The following CNOT1 variants were observed in gnomAD, a reference collection of about 807,000 sequenced individuals.
CNOT1 encodes the protein CCR4-associated factor 1.
CNOT1 carries 15 observed loss-of-function variants against 273.8 expected under a neutral mutation model. That is an observed-to-expected ratio of 0.05 (90% CI 0.04 to 0.08). CNOT1 has a LOEUF of 0.08. Among genes scored for constraint, CNOT1 ranks in the 10% least tolerant of loss-of-function variants. The pLI is 1.00. For missense variants in CNOT1, 1,644 were observed against 2,912.2 expected (o/e 0.56, Z 10.02); for synonymous variants, 1,022 against 1,005.5 (o/e 1.02, Z -0.31).
At chr16:58,609,129 T>A (rs919812628) in intron 1 of CNOT1, among the ~76,000 whole-genome samples, 2 of 152,164 alleles carry the variant, frequency 1.3e-5, no homozygotes, top group Admixed American at 6.6e-5. Flanking sequence ...ATCCCAGCAC[T>A]TGGGGAGGCC....
intron 22 of CNOT1, among the ~76,000 whole-genome samples, chr16:58,552,127 G>C (rs1340033807): frequency 1.3e-5 from 2 of 151,858 alleles, no homozygotes; most frequent in Non-Finnish European, 2.9e-5. Context: ...AATTCATACA[G>C]GAAACTCATC....
chr16:58,576,102 C>CT (rs951013061), intron 14 of CNOT1, among the ~76,000 whole-genome samples: 1 of 151,686 alleles, frequency 6.6e-6, no homozygotes, highest in African/African-American at 2.4e-5. Context: ...TAAGCATTTA[C>CT]TTTTTTTCCT....
At chr16:58,581,563 T>C (rs1168255741) in intron 10 of CNOT1, 48 bp from the exon 11 acceptor site, 3 of 1,497,164 alleles carry the variant, frequency 2.0e-6, no homozygotes, top group African/African-American at 1.4e-5. Context: ...TGTGTATATT[T>C]TGATACATTA....
intron 48 of CNOT1, 53 bp downstream of exon 48, chr16:58,521,130 G>A: frequency 1.2e-6 from 2 of 1,612,602 alleles, no homozygotes; most frequent in Non-Finnish European, 1.7e-6. Context: ...GAGACAGATG[G>A]TTTTCAGTCT....
At chr16:58,599,073 T>G in intron 2 of CNOT1, 163 bp downstream of exon 2, 3 of 574,626 alleles carry the variant, frequency 5.2e-6, no homozygotes, top group Non-Finnish European at 2.8e-6. Context: ...AAAAAAAAGA[T>G]TGGGCTAAGA....
At chr16:58,603,241 A>G (rs4784050) in intron 1 of CNOT1, among the ~76,000 whole-genome samples, 5 of 151,892 alleles carry the variant, frequency 3.3e-5, no homozygotes, top group Admixed American at 3.3e-4. Context: ...ATCATAAAAA[A>G]CTCAAAACCC....
intron 2 of CNOT1, chr16:58,598,001 C>T (rs1175728729): frequency 9.7e-6 from 2 of 205,380 alleles, no homozygotes; most frequent in South Asian, 1.5e-4. Flanking sequence ...CAAGAGCTCA[C>T]GCCTATAATC....
intron 20 of CNOT1, 33 bp downstream of exon 20, chr16:58,555,751 A>T: frequency 6.2e-7 from 1 of 1,612,520 alleles, no homozygotes; most frequent in Non-Finnish European, 8.5e-7. Flanking sequence ...ACTGGCCTAA[A>T]CAATAAATAA....
chr16:58,533,238 G>A (rs2039823115), intron 40 of CNOT1: 2 of 152,418 alleles, frequency 1.3e-5, no homozygotes, highest in South Asian at 4.1e-4. Flanking sequence ...CCTCAATAGG[G>A]TTAAGAACCA....
intron 44 of CNOT1, 69 bp downstream of exon 44, chr16:58,528,406 A>C: frequency 9.2e-7 from 1 of 1,090,980 alleles, no homozygotes; most frequent in South Asian, 1.3e-5. Context: ...AGTGCTGAAC[A>C]GTCTACTTAT....
At chr16:58,579,654 G>A (rs2041586093) in intron 12 of CNOT1, among the ~76,000 whole-genome samples, 2 of 152,150 alleles carry the variant, frequency 1.3e-5, no homozygotes, top group African/African-American at 4.8e-5. Context: ...TGTGTTCTGG[G>A]AGGGTATAGA....
At chr16:58,595,213 C>T (rs1038776102) in intron 2 of CNOT1, among the ~76,000 whole-genome samples, 1 of 151,476 alleles carries the variant, frequency 6.6e-6, no homozygotes, top group African/African-American at 2.4e-5. Context: ...AGGAACCAGA[C>T]CAAAACAAGT....
chr16:58,583,230 G>A (rs370651030), intron 8 of CNOT1, 48 bp from the exon 9 acceptor site: 44 of 1,594,652 alleles, frequency 2.8e-5, no homozygotes, highest in African/African-American at 1.8e-4. Flanking sequence ...CCTCAACACC[G>A]AGATTGAGAA....
At chr16:58,608,466 A>T (rs1003021868) in intron 1 of CNOT1, among the ~76,000 whole-genome samples, 1 of 151,526 alleles carries the variant, frequency 6.6e-6, no homozygotes, top group African/African-American at 2.4e-5. Context: ...GAGGCAGGAG[A>T]ATTGTTGAGC....
chr16:58,626,394 G>A (rs1295527716), intron 1 of CNOT1, among the ~76,000 whole-genome samples: 6 of 124,974 alleles, frequency 4.8e-5, no homozygotes, highest in African/African-American at 1.5e-4. Context: ...GCAACAGAGC[G>A]AGACTGCGTC....
At chr16:58,559,658 A>G in intron 17 of CNOT1, 1 of 319,810 alleles carries the variant, frequency 3.1e-6, no homozygotes, top group South Asian at 2.6e-5. Context: ...TGCCTTTTAT[A>G]GGGAAGTAGC....
In CNOT1 at chr16:58,558,595, G is replaced by C. The variant is rs1567406164; in HGVS notation, c.2210C>G (p.Pro737Arg). 1 of 1,613,178 alleles carries C rather than the reference G, an allele frequency of 6.2e-7. No individual in the cohort carries two copies. ...APHTQSMQGFPPNLGSAFSTP... is the reference protein window; with the variant it reads ...APHTQSMQGFRPNLGSAFSTP... ...ACTGAATGCAGAACCCAAATTTGGAGGAAAACCCTGCATACTCTGGGTGTG... is the reference window on the plus strand; with the variant it reads ...ACTGAATGCAGAACCCAAATTTGGACGAAAACCCTGCATACTCTGGGTGTG... Residue 737 changes from proline (P) to arginine (R), a missense_variant, in exon 18 of 49, where the codon CCT becomes CGT. Coordinates refer to ENST00000317147, the MANE Select transcript of CNOT1 (RefSeq NM_016284.5).
intron 16 of CNOT1, 64 bp downstream of exon 16, chr16:58,574,545 C>T (rs1002328131): frequency 1.4e-6 from 2 of 1,460,360 alleles, no homozygotes; most frequent in Admixed American, 4.9e-5. Flanking sequence ...TCTTCTTCCG[C>T]AAGTCTACAA....
At chr16:58,548,451 T>C (rs575557742) in intron 25 of CNOT1, 1 of 490,064 alleles carries the variant, frequency 2.0e-6, no homozygotes, top group South Asian at 1.5e-5. Context: ...TGGAAACTTT[T>C]ATGTATCCCA....
Sources: allele counts gnomAD v4.1 joint callset (sites outside exome capture counted in the v4.1 genomes callset), GRCh38; gene constraint gnomAD v4.1.1; transcripts MANE v1.5; gene names NCBI Gene and HGNC (gene_info 2026-07-23, HGNC 2026-07-21).